PDS5B: variants seen among roughly 807,000 people sequenced by gnomAD.
PDS5B encodes sister chromatid cohesion protein PDS5 homolog B.
Under a neutral mutation model 184.1 loss-of-function variants are expected in PDS5B, and 51 were observed. The ratio of observed to expected loss-of-function variants is 0.28; its 90% confidence interval spans 0.22 to 0.35. The LOEUF (loss-of-function observed/expected upper bound fraction) is 0.35. Among genes scored for constraint, PDS5B ranks in the 10% least tolerant of loss-of-function variants. The pLI is 1.00. For synonymous variants in PDS5B, 566 were observed against 569.2 expected (o/e 0.99, Z 0.08); for missense variants, 1,180 against 1,723.3 (o/e 0.68, Z 5.58).
intron 24 of PDS5B, among the ~76,000 whole-genome samples, chr13:32,749,734 A>G (rs1953904947): frequency 6.6e-6 from 1 of 152,188 alleles, no homozygotes; most frequent in South Asian, 2.1e-4. Flanking sequence ...GATACTTTGT[A>G]CTAGAAAAGG....
In PDS5B at chr13:32,687,025, TAAAA is replaced by T. The variant is rs918800010; in HGVS notation, c.1204-105_1204-102del. ...AAATTGATATTTAGTATCTGAGACT[TAAAA>T]AAATGTATAAAGGGAAGGAAAACAC... On this transcript the variant is annotated intron_variant, in intron 11 of 34. Transcript: ENST00000315596. 3 of 795,294 alleles carry T rather than the reference TAAAA, an allele frequency of 3.8e-6. No individual in the cohort carries two copies. In the East Asian group the frequency reaches 8.1e-5, roughly 22 times the overall value. The allele number at this position is 795,294 out of a possible 1,614,324, so 49.3% of individuals were successfully genotyped here. A position where few individuals can be genotyped will look rare whatever the true frequency, so the allele number is the denominator to read the frequency against.
chr13:32,608,367 G>A (rs554762147), intron 1 of PDS5B, among the ~76,000 whole-genome samples: 5 of 152,130 alleles, frequency 3.3e-5, no homozygotes, highest in Admixed American at 6.5e-5. Flanking sequence ...CATATTCACC[G>A]CTTTCTATAG....
chr13:32,747,598 A>G (rs905599001), intron 24 of PDS5B, among the ~76,000 whole-genome samples: 3 of 151,972 alleles, frequency 2.0e-5, no homozygotes, highest in African/African-American at 4.8e-5. Context: ...AAAAAAAAAA[A>G]AAAAAAATTT....
chr13:32,601,310 T>G (rs1216914648), intron 1 of PDS5B, among the ~76,000 whole-genome samples: 1 of 152,236 alleles, frequency 6.6e-6, no homozygotes, highest in Non-Finnish European at 1.5e-5. Flanking sequence ...TTCACACTCA[T>G]TTTCATTCAT....
chr13:32,627,181 T>C (rs543221622), intron 1 of PDS5B, among the ~76,000 whole-genome samples: 1 of 152,220 alleles, frequency 6.6e-6, no homozygotes, highest in South Asian at 2.1e-4. Flanking sequence ...CTTGAGAACT[T>C]AAAATATCCC....
intron 19 of PDS5B, among the ~76,000 whole-genome samples, chr13:32,723,895 T>C (rs574620272): frequency 1.1e-4 from 17 of 152,328 alleles, no homozygotes; most frequent in African/African-American, 3.1e-4. Context: ...TTCAAACATA[T>C]ACAGAAGTAG....
chr13:32,590,011 G>C (rs1349756835), intron 1 of PDS5B, among the ~76,000 whole-genome samples: 1 of 152,078 alleles, frequency 6.6e-6, no homozygotes, highest in South Asian at 2.1e-4. Context: ...ATGAGTGATC[G>C]TGCACAGTGA....
intron 11 of PDS5B, among the ~76,000 whole-genome samples, chr13:32,685,121 A>G (rs1486118970): frequency 6.6e-6 from 1 of 152,202 alleles, no homozygotes; most frequent in Non-Finnish European, 1.5e-5. Context: ...CTCAAAAAAA[A>G]CATTGTAACG....
chr13:32,594,733 A>T (rs1211831806), intron 1 of PDS5B, among the ~76,000 whole-genome samples: 3 of 152,170 alleles, frequency 2.0e-5, no homozygotes, highest in Non-Finnish European at 4.4e-5. Context: ...CTGCCAGATG[A>T]TTGCCTCTGG....
chr13:32,730,890 A>G (rs1275238696), intron 19 of PDS5B, among the ~76,000 whole-genome samples: 1 of 152,184 alleles, frequency 6.6e-6, no homozygotes, highest in Admixed American at 6.5e-5. Context: ...TGTTATCTGC[A>G]AACAGTGACT....
chr13:32,763,526 GAAT>G (rs1288445185), intron 30 of PDS5B: 4 of 152,080 alleles, frequency 2.6e-5, no homozygotes, highest in East Asian at 3.9e-4. Flanking sequence ...AATCAGTTGA[GAAT>G]AACTCACTGC....
At chr13:32,726,496 T>G (rs1031783603) in intron 19 of PDS5B, among the ~76,000 whole-genome samples, 1 of 152,228 alleles carries the variant, frequency 6.6e-6, no homozygotes, top group Middle Eastern at 3.2e-3. Context: ...TTGCTAGGTA[T>G]TACTGTGTTC....
At chr13:32,660,747 A>G (rs1205168817) in intron 6 of PDS5B, among the ~76,000 whole-genome samples, 1 of 152,200 alleles carries the variant, frequency 6.6e-6, no homozygotes, top group African/African-American at 2.4e-5. Context: ...GCCTTGTTGT[A>G]GGGAGAGGAC....
intron 23 of PDS5B, among the ~76,000 whole-genome samples, chr13:32,745,529 C>T (rs935156053): frequency 3.9e-5 from 6 of 152,164 alleles, no homozygotes; most frequent in Non-Finnish European, 8.8e-5. Flanking sequence ...TTAGCCTGCT[C>T]AGACTGCTGT....
At chr13:32,707,062 G>A in intron 18 of PDS5B, 23 bp downstream of exon 18, 1 of 1,280,904 alleles carries the variant, frequency 7.8e-7, no homozygotes. Flanking sequence ...TTAAAATTAA[G>A]TGCCTAATTA....
intron 1 of PDS5B, among the ~76,000 whole-genome samples, chr13:32,598,847 T>C (rs2057923556): frequency 6.7e-6 from 1 of 150,280 alleles, no homozygotes; most frequent in South Asian, 2.1e-4. Context: ...CTCGGCTTAC[T>C]GCAGGCTCCG....
chr13:32,643,469 C>A (rs1006159507), intron 1 of PDS5B, among the ~76,000 whole-genome samples: 3 of 152,198 alleles, frequency 2.0e-5, no homozygotes, highest in Non-Finnish European at 4.4e-5. Flanking sequence ...GTCTTCAGAA[C>A]TTTTTATTGT....
At chr13:32,728,317 T>G (rs2140942552) in intron 19 of PDS5B, among the ~76,000 whole-genome samples, 1 of 152,260 alleles carries the variant, frequency 6.6e-6, no homozygotes, top group Non-Finnish European at 1.5e-5. Flanking sequence ...TTGAGTAATT[T>G]TTGTCCAGGT....
At chr13:32,738,978 C>T (rs1333162576) in intron 21 of PDS5B, among the ~76,000 whole-genome samples, 2 of 152,076 alleles carry the variant, frequency 1.3e-5, no homozygotes, top group Non-Finnish European at 2.9e-5. Flanking sequence ...CTGGCCTGAA[C>T]AAAAGTTATT....
Sources: gnomAD v4.1 joint callset for allele counts (sites outside exome capture counted in the v4.1 genomes callset) on GRCh38, gnomAD v4.1.1 for gene constraint, MANE v1.5 for transcripts, NCBI Gene and HGNC (gene_info 2026-07-23, HGNC 2026-07-21) for gene names.